ANK3: variants seen among roughly 807,000 people sequenced by gnomAD.
ANK3 encodes ankyrin 3.
Under a neutral mutation model 370.9 loss-of-function variants are expected in ANK3, and 57 were observed. The ratio of observed to expected loss-of-function variants is 0.15; its 90% CI spans 0.12 to 0.19. The LOEUF (loss-of-function observed/expected upper bound fraction) is 0.19, where lower values mean the gene tolerates loss of function less well. Among genes scored for constraint, ANK3 ranks in the 10% least tolerant of loss-of-function variants. ANK3 has a pLI of 1.00. For missense variants in ANK3, 4,439 were observed against 5,302.1 expected, an observed-to-expected ratio of 0.84 and a Z score of 5.06; for synonymous variants, 1,929 against 1,946.3, an observed-to-expected ratio of 0.99 and a Z score of 0.23.
chr10:60,144,595 T>A (rs1163831904), intron 23 of ANK3, among the ~76,000 whole-genome samples: 1 of 152,208 alleles, frequency 6.6e-6, no homozygotes, highest in Non-Finnish European at 1.5e-5. Context: ...AATCTCCTCT[T>A]CCTAGTCCTC....
chr10:60,470,061 A>T (rs2065178606), intron 2 of ANK3, among the ~76,000 whole-genome samples: 1 of 152,102 alleles, frequency 6.6e-6, no homozygotes. Flanking sequence ...TTTTCCTCTT[A>T]TAGATGGGAA....
intron 5 of ANK3, 140 bp from the exon 6 acceptor site, chr10:60,264,160 C>A (rs926333686): frequency 8.6e-5 from 55 of 638,882 alleles, no homozygotes; most frequent in Admixed American, 2.4e-4. Flanking sequence ...TTTGAATGGA[C>A]AGAAATGTGA....
intron 5 of ANK3, among the ~76,000 whole-genome samples, chr10:60,265,599 T>A (rs1357794427): frequency 6.6e-6 from 1 of 152,134 alleles, no homozygotes; most frequent in East Asian, 1.9e-4. Context: ...AGAACTGGCA[T>A]GCAAGTTACT....
Position 60,069,690 on chromosome 10 carries a change from T to A in ANK3, c.11191A>T (p.Met3731Leu). 1 of 1,614,042 alleles carries A rather than the reference T, an allele frequency of 6.2e-7. No individual in the cohort carries two copies. The highest frequency in any genetic ancestry group is 8.5e-7 in the Non-Finnish European group (1 of 1,179,996). The change falls in exon 37 of 44, where the codon ATG (methionine) becomes TTG (leucine). Residue 3731 changes from methionine to leucine, a missense_variant. Met to Leu is a conservative substitution (Grantham distance 15, BLOSUM62 2). Around this residue, in one of 13 missense-constraint regions of ANK3, gnomAD observed 496 missense variants for 529.3 expected, o/e 0.94. Transcript: ENST00000280772. ...CCAGGGCCTTCTTTCTTCATGGTCA[T>A]GGTGGATGCAGAAATTCCCATTTTT... is the stretch of plus-strand genomic sequence containing the variant. ...PIKMGISAST[M>L]TMKKEGPGEI...
chr10:60,589,255 A>C (rs1205723393), intron 2 of ANK3, among the ~76,000 whole-genome samples: 1 of 152,222 alleles, frequency 6.6e-6, no homozygotes, highest in African/African-American at 2.4e-5. Context: ...AAATTGTTGA[A>C]GCTAGACTAA....
intron 1 of ANK3, among the ~76,000 whole-genome samples, chr10:60,712,716 C>G (rs952174142): frequency 1.3e-5 from 2 of 151,954 alleles, no homozygotes; most frequent in Non-Finnish European, 1.5e-5. Context: ...CTATAAGAAA[C>G]CCACTTTAAA....
At chr10:60,725,815 AG>A (rs1442000143) in intron 1 of ANK3, among the ~76,000 whole-genome samples, 4 of 152,224 alleles carry the variant, frequency 2.6e-5, no homozygotes, top group Admixed American at 2.6e-4. Flanking sequence ...CCAAAAAGAA[AG>A]GAGATAAGTG....
At chr10:60,344,736 A>T (rs1035792469) in intron 1 of ANK3, among the ~76,000 whole-genome samples, 1 of 152,224 alleles carries the variant, frequency 6.6e-6, no homozygotes, top group African/African-American at 2.4e-5. Flanking sequence ...TTGAAAACAG[A>T]GCTTAAAAAG....
chr10:60,072,964 C>A lies in ANK3; in HGVS notation c.7917G>T (p.Leu2639=), dbSNP rs1417693295. ...SSPEKVLLTE[L]LASNDEWVKA... The stretch of plus-strand genomic sequence containing the variant: ...TAACCCACTCATCATTGGATGCCAG[C>A]AGTTCTGTCAGTAGCACTTTCTCAG... Residue 2639 remains leucine, a synonymous_variant, in exon 37 of 44, where the codon CTG becomes CTT. Transcript: ENST00000280772. The A allele has an allele frequency of 6.2e-7, 1 of 1,614,106 alleles. No homozygotes were observed. The highest frequency in any genetic ancestry group is 8.5e-7 in the Non-Finnish European group (1 of 1,180,014).
chr10:60,582,216 C>T (rs2077764561), intron 2 of ANK3, among the ~76,000 whole-genome samples: 1 of 151,886 alleles, frequency 6.6e-6, no homozygotes, highest in East Asian at 1.9e-4. Flanking sequence ...CACATGTATA[C>T]CTATGTAACA....
At chr10:60,351,780 C>G (rs541664614) in intron 1 of ANK3, among the ~76,000 whole-genome samples, 1 of 152,104 alleles carries the variant, frequency 6.6e-6, no homozygotes, top group Non-Finnish European at 1.5e-5. Flanking sequence ...CTTAGGCCAT[C>G]GGGGTCTCAG....
chr10:60,070,266 C>T lies in ANK3; in HGVS notation c.10615G>A (p.Gly3539Ser). 2 of 1,614,060 alleles carry T rather than the reference C, an allele frequency of 1.2e-6. No individual in the cohort carries two copies. The highest frequency in any genetic ancestry group is 1.7e-6 in the Non-Finnish European group (2 of 1,180,002). ...TTAGACCAAGGGTCAAAATCTAGAC[C>T]TTTGGTAGCTACTGTTTTAAAAGGA... ...ATPFKTVATK[G>S]LDFDPWSNNR... is the part of the protein sequence containing the mutation. The change falls in exon 37 of 44, where the codon GGT (glycine) becomes AGT (serine). Residue 3539 changes from glycine (G) to serine (S), a missense_variant. Gly to Ser is a moderately conservative substitution (Grantham distance 56, BLOSUM62 0). Transcript: ENST00000280772. This position sits in a 1 kb window ranked among gnomAD's most constrained non-coding sequence, Gnocchi z 5.7.
At chr10:60,181,210 T>G (rs765773452) in intron 18 of ANK3, 119 bp downstream of exon 18, 32 of 947,336 alleles carry the variant, frequency 3.4e-5, no homozygotes, top group African/African-American at 4.9e-5. Context: ...ACATTTAAAA[T>G]ACTACGTAGA....
intron 2 of ANK3, among the ~76,000 whole-genome samples, chr10:60,430,108 G>A (rs752727519): frequency 6.6e-6 from 1 of 152,110 alleles, no homozygotes; most frequent in Non-Finnish European, 1.5e-5. Flanking sequence ...AAAATATAAT[G>A]ATCATTTCAG....
At chr10:60,405,816 A>G (rs959932805) in intron 2 of ANK3, among the ~76,000 whole-genome samples, 2 of 152,208 alleles carry the variant, frequency 1.3e-5, no homozygotes, top group Non-Finnish European at 2.9e-5. Flanking sequence ...CAAATACAGC[A>G]AAATGTTAAT....
chr10:60,681,932 A>G (rs77306701), intron 1 of ANK3, among the ~76,000 whole-genome samples: 1,792 of 152,232 alleles, frequency 0.012, 36 homozygotes, highest in African/African-American at 0.041. Context: ...CCGGAGAATC[A>G]CCTGAGGCCA....
At chr10:60,601,172 C>A (rs1442544) in intron 2 of ANK3, among the ~76,000 whole-genome samples, 1 of 147,112 alleles carries the variant, frequency 6.8e-6, no homozygotes, top group African/African-American at 2.5e-5. Flanking sequence ...ATTTATACAA[C>A]GCACACACAC....
At chr10:60,390,447 A>G (rs2062998443), upstream of ANK3, among the ~76,000 whole-genome samples, 2 of 152,144 alleles carry the variant, frequency 1.3e-5, no homozygotes. Context: ...ACTGAAATGC[A>G]GATTTGCTTT....
intron 9 of ANK3, among the ~76,000 whole-genome samples, chr10:60,212,181 A>G (rs2096868121): frequency 6.6e-6 from 1 of 152,196 alleles, no homozygotes; most frequent in Admixed American, 6.5e-5. Flanking sequence ...CAACTCTCTG[A>G]TTTTTAACAT....
Sources: gnomAD v4.1 joint callset for allele counts (sites outside exome capture counted in the v4.1 genomes callset) on GRCh38, gnomAD v4.1.1 for gene constraint, gnomAD v4.1.1 regional missense constraint, Gnocchi (gnomAD v3.1) non-coding constraint, MANE v1.5 for transcripts, NCBI Gene and HGNC (gene_info 2026-07-23, HGNC 2026-07-21) for gene names.